Variants in CAMTA1 observed in about 807,000 individuals in gnomAD.
CAMTA1 encodes calmodulin-binding transcription activator 1.
Under a neutral mutation model 170.9 loss-of-function variants are expected in CAMTA1, and 27 were observed. That is an observed-to-expected ratio of 0.16 (90% CI 0.12 to 0.22). CAMTA1 has a LOEUF of 0.22. Among genes scored for constraint, CAMTA1 ranks in the 10% least tolerant of loss-of-function variants. The pLI is 1.00. For synonymous variants in CAMTA1, 833 were observed against 891.5 expected, an observed-to-expected ratio of 0.93 and a Z score of 1.17; for missense variants, 1,619 against 2,217.2, an observed-to-expected ratio of 0.73 and a Z score of 5.42.
intron 1 of CAMTA1, among the ~76,000 whole-genome samples, chr1:6,787,601 G>A (rs1639781527): frequency 6.6e-6 from 1 of 152,210 alleles, no homozygotes; most frequent in African/African-American, 2.4e-5. Flanking sequence ...TAATGATACA[G>A]ATAGATATTA....
Position 7,547,467 on chromosome 1 carries a change from A to G in CAMTA1, c.510+79566A>G, listed in dbSNP as rs1384186152. Among the ~76,000 whole-genome samples the G allele has an allele frequency of 2.6e-5, 4 of 152,132 alleles. No individual in the cohort carries two copies. The highest frequency in any genetic ancestry group is 1.9e-4 in the East Asian group (1 of 5,192). On this transcript the variant is annotated intron_variant, in intron 6 of 22. Transcript: ENST00000303635. This position sits in a 1 kb window ranked among gnomAD's most constrained non-coding sequence, Gnocchi z 5.7. ...CGGGCCAAAAATATCCAGGAAAAAAATTGCATTTGTACCAAACATATTTTT... is the reference window on the plus strand; with the variant it reads ...CGGGCCAAAAATATCCAGGAAAAAAGTTGCATTTGTACCAAACATATTTTT...
chr1:6,796,132 CTTTTTTTTTTTTTTTTTTTT>C (rs978363793), intron 1 of CAMTA1, among the ~76,000 whole-genome samples: 2 of 70,948 alleles, frequency 2.8e-5, no homozygotes, highest in Admixed American at 1.3e-4. Context: ...AATAGCATTT[CTTTTTTTTTTTTTTTTTTTT>C]TTTTTTGGAG....
At chr1:7,079,805 A>G (rs1002867944) in intron 3 of CAMTA1, among the ~76,000 whole-genome samples, 5 of 152,156 alleles carry the variant, frequency 3.3e-5, no homozygotes, top group Non-Finnish European at 5.9e-5. Flanking sequence ...AGAAGAGGGG[A>G]AAAAGACAAA....
chr1:7,569,833 T>G (rs750840587), intron 6 of CAMTA1, among the ~76,000 whole-genome samples: 6 of 152,116 alleles, frequency 3.9e-5, no homozygotes, highest in Non-Finnish European at 8.8e-5. Flanking sequence ...TCATTATTAT[T>G]ACTGTACCAC....
chr1:7,201,632 A>T (rs1455753216), intron 4 of CAMTA1, among the ~76,000 whole-genome samples: 1 of 152,176 alleles, frequency 6.6e-6, no homozygotes, highest in Non-Finnish European at 1.5e-5. Context: ...CCTGATAGCT[A>T]ATAATATCAA....
chr1:7,674,622 T>C lies in CAMTA1; in HGVS notation c.2780-2977T>C, dbSNP rs2096095223. 6.6e-6 allele frequency among the ~76,000 whole-genome samples: 1 copy of C among 151,836 alleles called. No homozygotes were observed. Among genetic ancestry groups the C allele is most frequent in the African/African-American group, 2.4e-5 (1 of 41,298 alleles). ...GGTGAAACCCCGTCTCTACTAAAAATACAAAAATTAGCTGGGCGTGGTGGC... is the reference window on the plus strand; with the variant it reads ...GGTGAAACCCCGTCTCTACTAAAAACACAAAAATTAGCTGGGCGTGGTGGC... On this transcript the variant is annotated intron_variant, in intron 10 of 22. Coordinates refer to ENST00000303635, the MANE Select transcript of CAMTA1 (RefSeq NM_015215.4). This position sits in a 1 kb window ranked among gnomAD's most constrained non-coding sequence, Gnocchi z 4.1.
chr1:7,101,652 G>A (rs1642716222), intron 4 of CAMTA1, among the ~76,000 whole-genome samples: 1 of 152,230 alleles, frequency 6.6e-6, no homozygotes, highest in Admixed American at 6.5e-5. Flanking sequence ...TTACACACAT[G>A]TATGCACATA....
chr1:7,214,462 G>C (rs1161466609), intron 4 of CAMTA1, among the ~76,000 whole-genome samples: 1 of 152,110 alleles, frequency 6.6e-6, no homozygotes, highest in African/African-American at 2.4e-5. Flanking sequence ...CACTTCCCGG[G>C]TTCACACCAT....
At chr1:7,296,868 C>T (rs1674030290) in intron 5 of CAMTA1, among the ~76,000 whole-genome samples, 1 of 151,302 alleles carries the variant, frequency 6.6e-6, no homozygotes, top group Non-Finnish European at 1.5e-5. Flanking sequence ...ACCCCTGACA[C>T]CTAAAACATT....
intron 6 of CAMTA1, among the ~76,000 whole-genome samples, chr1:7,589,198 C>G (rs146948944): frequency 6.6e-6 from 1 of 152,204 alleles, no homozygotes; most frequent in African/African-American, 2.4e-5. Flanking sequence ...CCCCTTCCTC[C>G]TGGCAGAGCC....
At chr1:6,967,036 G>A (rs1392403816) in intron 3 of CAMTA1, among the ~76,000 whole-genome samples, 5 of 151,804 alleles carry the variant, frequency 3.3e-5, no homozygotes, top group Non-Finnish European at 7.4e-5. Context: ...GAGGTCAGGA[G>A]TTTGAGACCA....
intron 5 of CAMTA1, among the ~76,000 whole-genome samples, chr1:7,311,748 G>T (rs1015909873): frequency 2.0e-5 from 3 of 152,134 alleles, no homozygotes; most frequent in African/African-American, 7.2e-5. Flanking sequence ...AGCCAGGTGG[G>T]TTCAGGCTGC....
At chr1:7,572,223 T>C (rs1423525329) in intron 6 of CAMTA1, among the ~76,000 whole-genome samples, 1 of 152,232 alleles carries the variant, frequency 6.6e-6, no homozygotes, top group African/African-American at 2.4e-5. Context: ...ATGTTCCTTA[T>C]AGATTCTGGA....
intron 5 of CAMTA1, among the ~76,000 whole-genome samples, chr1:7,363,043 G>C (rs1022640347): frequency 2.6e-5 from 4 of 152,208 alleles, no homozygotes; most frequent in Non-Finnish European, 5.9e-5. Context: ...GCTCGCAGAG[G>C]TGCTCTGTAG....
At chr1:7,241,899 C>T (rs927006887) in intron 4 of CAMTA1, among the ~76,000 whole-genome samples, 3 of 152,174 alleles carry the variant, frequency 2.0e-5, no homozygotes, top group Admixed American at 1.3e-4. Context: ...GCAAAGCACC[C>T]TTAGATGAGA....
intron 5 of CAMTA1, chr1:7,370,190 C>G (rs2086333282): frequency 6.6e-6 from 1 of 152,396 alleles, no homozygotes; most frequent in African/African-American, 2.4e-5. Flanking sequence ...ATGTCCTCAC[C>G]TCTTGCTACA....
At chr1:7,176,502 G>A (rs896851618) in intron 4 of CAMTA1, among the ~76,000 whole-genome samples, 1 of 152,124 alleles carries the variant, frequency 6.6e-6, no homozygotes, top group Non-Finnish European at 1.5e-5. Flanking sequence ...CTTAGGCCTC[G>A]GAGTCAGGGG....
intron 5 of CAMTA1, among the ~76,000 whole-genome samples, chr1:7,376,067 G>C (rs560458590): frequency 1.2e-4 from 19 of 152,302 alleles, no homozygotes; most frequent in African/African-American, 4.3e-4. Context: ...AACACTAATA[G>C]GGAGGCCAAA....
At chr1:7,489,142 T>C (rs1223710060) in intron 6 of CAMTA1, among the ~76,000 whole-genome samples, 1 of 152,208 alleles carries the variant, frequency 6.6e-6, no homozygotes, top group African/African-American at 2.4e-5. Context: ...GGCTATTATT[T>C]GGGGCCTCCT....
Sources: allele counts gnomAD v4.1 joint callset (sites outside exome capture counted in the v4.1 genomes callset), GRCh38; gene constraint gnomAD v4.1.1; non-coding constraint Gnocchi (gnomAD v3.1); transcripts MANE v1.5; gene names NCBI Gene and HGNC (gene_info 2026-07-23, HGNC 2026-07-21).